CERS3: variants seen among roughly 807,000 people sequenced by gnomAD.
CERS3 encodes the protein LAG1 homolog, ceramide synthase 3.
CERS3 carries 33 observed loss-of-function variants against 50.3 expected under a neutral mutation model. That is an observed-to-expected ratio of 0.66 (90% CI 0.50 to 0.88). The LOEUF is 0.88. CERS3 is among the 40% of genes least tolerant of loss of function. The probability of loss-of-function intolerance (pLI) is 0.00; values close to 1 mark genes in which losing one functional copy is unlikely to be tolerated. For synonymous variants in CERS3, 176 were observed against 155.2 expected, an observed-to-expected ratio of 1.13 and a Z score of -0.99; for missense variants, 470 against 460.3, an observed-to-expected ratio of 1.02 and a Z score of -0.19.
chr15:100,476,302 A>T, intron 7 of CERS3, 124 bp from the exon 8 acceptor site: 1 of 491,328 alleles, frequency 2.0e-6, no homozygotes, highest in Non-Finnish European at 3.6e-6. Context: ...ACATTGACTG[A>T]TATTTCAATT....
At chr15:100,417,210 G>T (rs1427931372) in intron 11 of CERS3, among the ~76,000 whole-genome samples, 1 of 151,544 alleles carries the variant, frequency 6.6e-6, no homozygotes, top group Non-Finnish European at 1.5e-5. Context: ...AGTGGGCGCA[G>T]GTCAGTGGGT....
intron 11 of CERS3, among the ~76,000 whole-genome samples, chr15:100,444,162 T>C (rs1349401771): frequency 6.6e-6 from 1 of 152,232 alleles, no homozygotes; most frequent in African/African-American, 2.4e-5. Context: ...TGGCTGCTGC[T>C]GCCTTAATAC....
At chr15:100,481,459 T>G (rs181363892) in intron 5 of CERS3, among the ~76,000 whole-genome samples, 157 of 152,356 alleles carry the variant, frequency 1.0e-3, no homozygotes, top group Middle Eastern at 6.8e-3. Flanking sequence ...TGGATTATCT[T>G]GTCCAAACAA....
chr15:100,467,969 G>C (rs142187878), intron 10 of CERS3, among the ~76,000 whole-genome samples: 2 of 151,102 alleles, frequency 1.3e-5, no homozygotes, highest in African/African-American at 4.9e-5. Flanking sequence ...TGACCCCCCC[G>C]CCAACCTCAG....
chr15:100,506,092 A>AAACC (rs1230408588), intron 2 of CERS3, among the ~76,000 whole-genome samples: 7 of 151,916 alleles, frequency 4.6e-5, no homozygotes, highest in Admixed American at 4.6e-4. Context: ...ACAAACAAAC[A>AAACC]ATCAACAACC....
intron 2 of CERS3, among the ~76,000 whole-genome samples, chr15:100,520,923 C>T (rs559232233): frequency 3.3e-5 from 5 of 152,186 alleles, no homozygotes; most frequent in African/African-American, 9.6e-5. Flanking sequence ...TTTCACAGAC[C>T]GTTACAAAAA....
chr15:100,533,063 G>C (rs1458781683), upstream of CERS3, among the ~76,000 whole-genome samples: 1 of 152,160 alleles, frequency 6.6e-6, no homozygotes, highest in African/African-American at 2.4e-5. Flanking sequence ...GCCCAGGGTT[G>C]AAAGTCTCTT....
intron 11 of CERS3, among the ~76,000 whole-genome samples, chr15:100,423,860 G>A (rs1310962377): frequency 2.6e-5 from 4 of 151,702 alleles, no homozygotes; most frequent in South Asian, 2.1e-4. Context: ...CCTCCCCCAC[G>A]ATGTTACCTG....
intron 9 of CERS3, among the ~76,000 whole-genome samples, chr15:100,471,666 GA>G (rs957617274): frequency 2.6e-5 from 4 of 152,218 alleles, no homozygotes; most frequent in Non-Finnish European, 2.9e-5. Context: ...GCACCATACA[GA>G]AAAAAACGGC....
At chr15:100,472,896 C>T (rs1439850847) in intron 9 of CERS3, 28 bp downstream of exon 9, 4 of 1,613,274 alleles carry the variant, frequency 2.5e-6, no homozygotes, top group African/African-American at 2.7e-5. Context: ...ATGGTATTGT[C>T]ATTAGTTTTT....
intron 11 of CERS3, among the ~76,000 whole-genome samples, chr15:100,441,009 T>G (rs1367134737): frequency 6.6e-6 from 1 of 152,216 alleles, no homozygotes; most frequent in Non-Finnish European, 1.5e-5. Flanking sequence ...TCACCCATGT[T>G]TCAAAGGTGT....
intron 3 of CERS3, chr15:100,500,418 T>C (rs72759159): frequency 0.041 from 6,299 of 152,328 alleles, 179 homozygotes; most frequent in Non-Finnish European, 0.055. Flanking sequence ...TCCACAGCTG[T>C]GCTTCTTTGG....
intron 11 of CERS3, among the ~76,000 whole-genome samples, chr15:100,412,051 C>T (rs1348023373): frequency 1.3e-5 from 2 of 152,164 alleles, no homozygotes; most frequent in East Asian, 3.8e-4. Context: ...TATTTTCTCT[C>T]ATTTTGTGGG....
At chr15:100,436,057 G>C (rs1166821340) in intron 11 of CERS3, among the ~76,000 whole-genome samples, 1 of 152,214 alleles carries the variant, frequency 6.6e-6, no homozygotes, top group Non-Finnish European at 1.5e-5. Context: ...GTGGAAGACA[G>C]TGTGGTGAAT....
chr15:100,481,721 C>G (rs1415945645), intron 5 of CERS3, among the ~76,000 whole-genome samples: 1 of 152,188 alleles, frequency 6.6e-6, no homozygotes, highest in Non-Finnish European at 1.5e-5. Context: ...TAAGAAAGAT[C>G]ATAAAACTTA....
Position 100,483,787 on chromosome 15 carries a change from A to ATTATTAT in CERS3, c.407+762_407+763insATAATAA, listed in dbSNP as rs760594142. Among the ~76,000 whole-genome samples, 70 of 100,026 alleles carry ATTATTAT rather than the reference A, an allele frequency of 7.0e-4. 2 individuals carry two copies. The highest frequency in any genetic ancestry group is 1.3e-3 in the East Asian group (4 of 3,100). The allele number at this position is 100,026 out of a possible 152,430, so 65.6% of individuals were successfully genotyped here. A position where few individuals can be genotyped will look rare whatever the true frequency, so the allele number is the denominator to read the frequency against. ...AATAATAATAATAATTATTATTATT[A>ATTATTAT]TTTTTTTTTTTGAGACAGAGTCTTG... On this transcript the variant is annotated intron_variant, in intron 5 of 11. Coordinates refer to ENST00000679737, the MANE Select transcript of CERS3 (RefSeq NM_001378789.1).
At chr15:100,516,416 C>T (rs1161559909) in intron 2 of CERS3, among the ~76,000 whole-genome samples, 1 of 152,144 alleles carries the variant, frequency 6.6e-6, no homozygotes, top group East Asian at 1.9e-4. Flanking sequence ...TCTTTGTTTA[C>T]TGGCCTGTTA....
At chr15:100,456,635 C>T (rs2034381391) in intron 10 of CERS3, among the ~76,000 whole-genome samples, 1 of 152,164 alleles carries the variant, frequency 6.6e-6, no homozygotes, top group Non-Finnish European at 1.5e-5. Context: ...ACCTAAGATG[C>T]ACAGTGTCTT....
chr15:100,416,138 A>C (rs1251269937), intron 11 of CERS3, among the ~76,000 whole-genome samples: 1 of 144,436 alleles, frequency 6.9e-6, no homozygotes. Context: ...AAAAATTATA[A>C]AATTCATACA....
Sources: gnomAD v4.1 joint callset for allele counts (sites outside exome capture counted in the v4.1 genomes callset) on GRCh38, gnomAD v4.1.1 for gene constraint, MANE v1.5 for transcripts, NCBI Gene and HGNC (gene_info 2026-07-23, HGNC 2026-07-21) for gene names.